Variants in ZNF837 observed in about 807,000 individuals in gnomAD.
ZNF837 encodes zinc finger protein 837.
For missense variants in ZNF837, 955 were observed against 801.7 expected (o/e 1.19, Z -2.31); for synonymous variants, 475 against 365.2 (o/e 1.30, Z -3.43).
intron 1 of ZNF837, among the ~76,000 whole-genome samples, chr19:58,372,245 GC>G (rs1425526144): frequency 1.3e-5 from 2 of 152,002 alleles, no homozygotes; most frequent in Admixed American, 6.5e-5. Context: ...TCTTAGTAGA[GC>G]CGGGGTTTCA....
At chr19:58,370,613 C>T (rs962100066) in intron 1 of ZNF837, among the ~76,000 whole-genome samples, 1 of 152,138 alleles carries the variant, frequency 6.6e-6, no homozygotes, top group Non-Finnish European at 1.5e-5. Flanking sequence ...AAACAAAGGA[C>T]GGCCGGGCAC....
At position 58,368,520 on chromosome 19, in the gene ZNF837, G is replaced by A. The variant is rs1187891864; in HGVS notation, c.813C>T (p.Tyr271=). 1 of 1,545,448 alleles carries A rather than the reference G, an allele frequency of 6.5e-7. No homozygotes were observed. The highest frequency in any genetic ancestry group is 8.7e-7 in the Non-Finnish European group (1 of 1,146,334). Reference sequence around the variant, plus strand: ...AGGCCTTGCCGCACTCGTCGCAAGCGTACAGTCGCTGGGCCGGGGGGTCGG... The same window carrying A: ...AGGCCTTGCCGCACTCGTCGCAAGCATACAGTCGCTGGGCCGGGGGGTCGG... ...IVPDPPAQRL[Y]ACDECGKAFT... is the part of the protein sequence containing the mutation. Residue 271 remains tyrosine (Y), a synonymous_variant, in exon 3 of 3, where the codon TAC becomes TAT. Coordinates refer to ENST00000597582, the MANE Select transcript of ZNF837 (RefSeq NM_138466.2).
rs1239937885 is a variant in ZNF837 at position 58,368,282 on chromosome 19, T to G, written c.1051A>C (p.Ser351Arg). 1 of 1,480,490 alleles carries G rather than the reference T, an allele frequency of 6.8e-7. No homozygotes were observed. The highest frequency in any genetic ancestry group is 1.4e-5 in the African/African-American group (1 of 70,324). 91.7% of individuals were successfully genotyped at this position (1,480,490 alleles called of 1,614,324 possible). A position where few individuals can be genotyped will look rare whatever the true frequency, so the allele number is the denominator to read the frequency against. The change falls in exon 3 of 3, where the codon AGT (serine) becomes CGT (arginine). Residue 351 changes from serine (S) to arginine (R), a missense_variant. Transcript: ENST00000597582. ...CCGGCTCCCGACCCCCGTCGGGGAC[T>G]CCGCTCGCTGTAGTCCCCGCAGGGC... is the stretch of plus-strand genomic sequence containing the variant. ...CPPCGDYSER[S>R]PRRGSGAGEK...
chr19:58,370,967 C>T (rs1250884673), intron 1 of ZNF837, among the ~76,000 whole-genome samples: 1 of 150,250 alleles, frequency 6.7e-6, no homozygotes, highest in South Asian at 2.1e-4. Flanking sequence ...GGGAGCCGGG[C>T]GCGGTGGCTC....
chr19:58,377,273 G>A (rs933478289), intron 1 of ZNF837, among the ~76,000 whole-genome samples: 7 of 148,252 alleles, frequency 4.7e-5, no homozygotes, highest in Non-Finnish European at 8.9e-5. Context: ...AGCACTTTGG[G>A]AGGTGGGCAG....
intron 1 of ZNF837, among the ~76,000 whole-genome samples, chr19:58,375,789 G>A (rs187916060): frequency 0.017 from 2,577 of 148,398 alleles, 30 homozygotes; most frequent in Non-Finnish European, 0.028. Context: ...ATGCACCCAT[G>A]CCACAGTGCT....
rs1283853717 is a variant in ZNF837, at chr19:58,369,030, C to A, written c.303G>T (p.Glu101Asp). Residue 101 changes from glutamate (E) to aspartate (D), a missense_variant, in exon 3 of 3, where the codon GAG (glutamate) becomes GAT (aspartate). Coordinates refer to ENST00000597582, the MANE Select transcript of ZNF837 (RefSeq NM_138466.2). ...PCGPTSSQNP[E>D]LVIPEGLQAR... ...CTTGCAGCCCCTCGGGGATAACCAG[C>A]TCAGGGTTCTGAGAAGAGGTGGGGC... 2.0e-6 allele frequency: 3 copies of A among 1,514,282 alleles called. No homozygotes were observed. The highest frequency in any genetic ancestry group is 4.9e-5 in the East Asian group (2 of 40,512). The allele number at this position is 1,514,282 out of a possible 1,614,324, so 93.8% of individuals were successfully genotyped here.
Position 58,367,776 on chromosome 19 carries a change from GT to G in ZNF837, c.1556del (p.Asn519ThrfsTer?), listed in dbSNP as rs1315402367. On this transcript the variant is annotated frameshift_variant, in exon 3 of 3. Coordinates refer to ENST00000597582, the MANE Select transcript of ZNF837 (RefSeq NM_138466.2). LOFTEE classifies it low-confidence loss of function (END_TRUNC). Reference protein sequence around the residue: ...GRAFSQRSNLNEHRKRHGGRA... With the variant: ...GRAFSQRSNLXEHRKRHGGRA... ...GGCCCCCGTGCCGCTTCCGGTGCTC[GT>G]TGAGGTTGGAGCGTTGGCTGAAGGC... 1.3e-6 allele frequency: 2 copies of G among 1,535,360 alleles called. No individual in the cohort carries two copies. The highest frequency in any genetic ancestry group is 2.7e-5 in the African/African-American group (2 of 72,862).
Position 58,368,456 on chromosome 19 carries a change from G to C in ZNF837, c.877C>G (p.His293Asp). 3 of 1,569,670 alleles carry C rather than the reference G, an allele frequency of 1.9e-6. No homozygotes were observed. Among genetic ancestry groups the C allele is most frequent in the Non-Finnish European group, 1.7e-6 (2 of 1,159,596 alleles). Residue 293 changes from histidine to aspartate, a missense_variant, in exon 3 of 3, where the codon CAC becomes GAC. Coordinates refer to ENST00000597582, the MANE Select transcript of ZNF837 (RefSeq NM_138466.2). ...CACTCGTAGGGCCGCTCGCCCGTGT[G>C]GATGCGCTGGTGCTGCAGCAGGCTG... is the stretch of plus-strand genomic sequence containing the variant. ...TSSLLQHQRIHTGERPYECAE... is the reference protein window; with the variant it reads ...TSSLLQHQRIDTGERPYECAE...
chr19:58,371,198 G>T (rs547744495), intron 1 of ZNF837, among the ~76,000 whole-genome samples: 2 of 143,034 alleles, frequency 1.4e-5, no homozygotes, highest in African/African-American at 5.2e-5. Context: ...CCGAGATCAC[G>T]CCACTGCACT....
Position 58,368,824 on chromosome 19 carries a change from C to T in ZNF837, c.509G>A (p.Cys170Tyr), listed in dbSNP as rs2052170228. ...GGTCGGAGCGCCAGTCCCTGGTTGG[C>T]ACGGCCAACAGTCCGTGTGGACCTC... ...LCEVHTDCWP[C>Y]QPGTGAPTCP... The change falls in exon 3 of 3, where the codon TGC (cysteine) becomes TAC (tyrosine). Residue 170 changes from cysteine to tyrosine, a missense_variant. Transcript: ENST00000597582. 1.3e-6 allele frequency: 2 copies of T among 1,546,440 alleles called. No homozygotes were observed. Among genetic ancestry groups the T allele is most frequent in the Admixed American group, 2.0e-5 (1 of 50,976 alleles).
At position 58,367,761 on chromosome 19, in the gene ZNF837, C is replaced by T. The variant is rs1171259080; in HGVS notation, c.1572G>A (p.Arg524=). 2 of 1,533,048 alleles carry T rather than the reference C, an allele frequency of 1.3e-6. No homozygotes were observed. The highest frequency in any genetic ancestry group is 8.7e-7 in the Non-Finnish European group (1 of 1,144,866). 95.0% of individuals were successfully genotyped at this position (1,533,048 alleles called of 1,614,324 possible). A position where few individuals can be genotyped will look rare whatever the true frequency, so the allele number is the denominator to read the frequency against. The change falls in exon 3 of 3, where the codon CGG becomes CGA. Residue 524 remains arginine (R), a synonymous_variant. Coordinates refer to ENST00000597582, the MANE Select transcript of ZNF837 (RefSeq NM_138466.2). ...GTCAAGGCGCGGCGCGGCCCCCGTG[C>T]CGCTTCCGGTGCTCGTTGAGGTTGG... The part of the protein sequence containing the change: ...QRSNLNEHRK[R]HGGRAAP
chr19:58,380,824 C>A (rs952775165), intron 1 of ZNF837, 117 bp downstream of exon 1: 1 of 152,298 alleles, frequency 6.6e-6, no homozygotes, highest in African/African-American at 2.4e-5. Context: ...CGTCACGCCT[C>A]TGCCCCGGAC....
rs756239275 is a variant in ZNF837, at chr19:58,367,845, C to G, written c.1488G>C (p.Thr496=). ...RNCSLVRHLR[T]HTGERPYACG... Reference sequence around the variant, plus strand: ...ACGCGTAGGGCCGCTCGCCCGTGTGCGTGCGCAGGTGGCGCACCAGGCTGC... The same window carrying G: ...ACGCGTAGGGCCGCTCGCCCGTGTGGGTGCGCAGGTGGCGCACCAGGCTGC... The change falls in exon 3 of 3, where the codon ACG becomes ACC. Residue 496 remains threonine (T), a synonymous_variant. Coordinates refer to ENST00000597582, the MANE Select transcript of ZNF837 (RefSeq NM_138466.2). The G allele has an allele frequency of 5.9e-6, 9 of 1,535,034 alleles. No homozygotes were observed. The African/African-American group carries it at 6.9e-5, about 12-fold the overall frequency.
At chr19:58,378,615 G>A (rs537113101) in intron 1 of ZNF837, among the ~76,000 whole-genome samples, 1 of 152,306 alleles carries the variant, frequency 6.6e-6, no homozygotes, top group South Asian at 2.1e-4. Context: ...GGCACATGAG[G>A]TCACCCAGGA....
chr19:58,368,209 A>C lies in ZNF837; in HGVS notation c.1124T>G (p.Phe375Cys), dbSNP rs2052157756. 6.5e-7 allele frequency: 1 copy of C among 1,547,550 alleles called. No individual in the cohort carries two copies. Among genetic ancestry groups the C allele is most frequent in the African/African-American group, 1.4e-5 (1 of 71,642 alleles). ...GCGCCGGTGCTCCACGAGGTGCGAG[A>C]ACAGCCCGAAGGCCTTGGCGCAGTC... is the stretch of plus-strand genomic sequence containing the variant. The part of the protein sequence containing the change: ...CADCAKAFGL[F>C]SHLVEHRRVH... Residue 375 changes from phenylalanine to cysteine, a missense_variant, in exon 3 of 3, where the codon TTC becomes TGC. Phe to Cys is a radical substitution (Grantham distance 205, BLOSUM62 -2). Transcript: ENST00000597582.
intron 1 of ZNF837, among the ~76,000 whole-genome samples, chr19:58,375,929 ATTTT>A (rs1409580611): frequency 6.7e-6 from 1 of 149,940 alleles, no homozygotes; most frequent in Non-Finnish European, 1.5e-5. Context: ...TTATTTATTT[ATTTT>A]TTTGACACAG....
rs2052178546 is a variant in ZNF837, at chr19:58,369,280, G to A, written c.53C>T (p.Ala18Val). The A allele has an allele frequency of 7.1e-7, 1 of 1,407,464 alleles. No individual in the cohort carries two copies. Among genetic ancestry groups the A allele is most frequent in the Admixed American group, 3.4e-5 (1 of 29,200 alleles). The allele number at this position is 1,407,464 out of a possible 1,614,324, so 87.2% of individuals were successfully genotyped here. Reference sequence around the variant, plus strand: ...CTCCCGGGCCCCGGAGGCACCCTGGGCATCGGCCTTGGGGAGTCCTCCCTG... The same window carrying A: ...CTCCCGGGCCCCGGAGGCACCCTGGACATCGGCCTTGGGGAGTCCTCCCTG... ...AGQGGLPKAD[A>V]QGASGAREKR... The change falls in exon 3 of 3, where the codon GCC (alanine) becomes GTC (valine). Residue 18 changes from alanine to valine, a missense_variant. Transcript: ENST00000597582.
intron 1 of ZNF837, among the ~76,000 whole-genome samples, chr19:58,370,552 C>T (rs548966843): frequency 1.2e-4 from 18 of 152,268 alleles, no homozygotes; most frequent in South Asian, 6.2e-4. Context: ...GATACACACA[C>T]GTGCATATAT....
Sources: gnomAD v4.1 joint callset for allele counts (sites outside exome capture counted in the v4.1 genomes callset) on GRCh38, gnomAD v4.1.1 for gene constraint, MANE v1.5 for transcripts, NCBI Gene and HGNC (gene_info 2026-07-23, HGNC 2026-07-21) for gene names.